The following CR1L variants were observed in gnomAD, a reference collection of about 807,000 sequenced individuals.
CR1L encodes the protein complement component receptor 1-like protein.
In CR1L, 59 loss-of-function variants were observed where a neutral mutation model predicts 62.3. That is an observed-to-expected ratio of 0.95 (90% CI 0.77 to 1.18). CR1L has a LOEUF of 1.18. CR1L is among the 50% of genes most tolerant of loss of function. The pLI is 0.00. For synonymous variants in CR1L, 279 were observed against 248.7 expected (o/e 1.12, Z -1.15); for missense variants, 700 against 702.8 (o/e 1.00, Z 0.04).
chr1:207,698,931 A>G (rs1664149681), intron 7 of CR1L, among the ~76,000 whole-genome samples: 1 of 152,208 alleles, frequency 6.6e-6, no homozygotes, highest in Non-Finnish European at 1.5e-5. Context: ...GTCCTGGGTC[A>G]AGGAGATGGT....
chr1:207,655,890 G>A (rs1379436455), intron 1 of CR1L, among the ~76,000 whole-genome samples: 23 of 152,306 alleles, frequency 1.5e-4, no homozygotes, highest in African/African-American at 5.1e-4. Context: ...CTTAAAGGAA[G>A]ACTTGGATTT....
chr1:207,689,052 T>C (rs1199319526), intron 4 of CR1L, among the ~76,000 whole-genome samples: 2 of 152,108 alleles, frequency 1.3e-5, no homozygotes, highest in African/African-American at 2.4e-5. Context: ...CAGTACAACA[T>C]TGAATAGAAG....
chr1:207,682,992 T>C (rs11578016), intron 3 of CR1L, among the ~76,000 whole-genome samples: 1,717 of 84,314 alleles, frequency 0.02, 19 homozygotes, highest in East Asian at 0.053. Context: ...TTCTTTCTTT[T>C]TTTCTTTCTT....
chr1:207,680,924 T>C (rs1663785174), intron 3 of CR1L, among the ~76,000 whole-genome samples: 2 of 152,228 alleles, frequency 1.3e-5, no homozygotes, highest in African/African-American at 2.4e-5. Context: ...TCTCTGCCTA[T>C]GTAAGTGATA....
intron 2 of CR1L, 22 bp from the exon 3 acceptor site, chr1:207,678,176 A>G: frequency 1.9e-6 from 3 of 1,611,440 alleles, no homozygotes; most frequent in Non-Finnish European, 1.7e-6. Context: ...CTTGGCTTCA[A>G]ATTTCTGTTT....
intron 4 of CR1L, among the ~76,000 whole-genome samples, chr1:207,686,644 T>C (rs1018477898): frequency 6.6e-6 from 1 of 152,246 alleles, no homozygotes; most frequent in African/African-American, 2.4e-5. Context: ...TTTATATGTT[T>C]CTATTAAAGT....
In CR1L at chr1:207,679,524, A is replaced by C. The variant is rs1370667627; in HGVS notation, c.377+1227A>C. The stretch of plus-strand genomic sequence containing the variant: ...CAAAATGGCACCATGACTTTGAAAG[A>C]CATTTTGGCAGTTTTGTATAAAAAT... On this transcript the variant is annotated intron_variant, in intron 3 of 11. Transcript: ENST00000508064. Among the ~76,000 whole-genome samples the C allele has an allele frequency of 4.6e-5, 7 of 152,316 alleles. No homozygotes were observed. The East Asian group carries it at 1.3e-3, about 29-fold the overall frequency.
intron 3 of CR1L, among the ~76,000 whole-genome samples, chr1:207,681,146 G>T (rs192652647): frequency 2.4e-4 from 36 of 152,258 alleles, no homozygotes; most frequent in African/African-American, 8.7e-4. Context: ...CTGGTTCAAG[G>T]CACATAGATT....
At chr1:207,709,844 A>AG (rs1453127790) in intron 10 of CR1L, among the ~76,000 whole-genome samples, 3 of 151,630 alleles carry the variant, frequency 2.0e-5, no homozygotes, top group Non-Finnish European at 1.5e-5. Context: ...AAAAAAAAAA[A>AG]AAAGGAAAAA....
Position 207,701,608 on chromosome 1 carries a change from T to G in CR1L, c.1318T>G (p.Cys440Gly). 4 of 1,613,760 alleles carry G rather than the reference T, an allele frequency of 2.5e-6. No individual in the cohort carries two copies. The South Asian group carries it at 4.4e-5, about 18-fold the overall frequency. ...TGTTGGATCCAGAATCAACTATTCT[T>G]GTACTACAGGGTGAGTTGGCAGCAA... is the stretch of plus-strand genomic sequence containing the variant. ...IHVGSRINYSCTTGHRLIGHS... is the reference protein window; with the variant it reads ...IHVGSRINYSGTTGHRLIGHS... Residue 440 changes from cysteine to glycine, a missense_variant, in exon 9 of 12, where the codon TGT becomes GGT. Physicochemically the swap from Cys to Gly is radical, Grantham distance 159. Coordinates refer to ENST00000508064, the MANE Select transcript of CR1L (RefSeq NM_175710.2).
rs1012410171 is a variant in CR1L at position 207,669,577 on chromosome 1, G to C, written c.98-7812G>C. ...GCCGGTGGCCTGGGGTGAAACGCTG[G>C]GGGGCGTGGGGAGGCGCCCGGGCTG... is the stretch of plus-strand genomic sequence containing the variant. On this transcript the variant is annotated intron_variant, in intron 1 of 11. Transcript: ENST00000508064. 6.0e-6 allele frequency: 9 copies of C among 1,489,418 alleles called. 2 individuals are homozygous for C. The African/African-American group carries it at 1.0e-4, about 17-fold the overall frequency. The allele number at this position is 1,489,418 out of a possible 1,614,324, so 92.3% of individuals were successfully genotyped here.
intron 9 of CR1L, among the ~76,000 whole-genome samples, chr1:207,704,404 C>T (rs749750470): frequency 6.6e-6 from 1 of 152,146 alleles, no homozygotes; most frequent in Non-Finnish European, 1.5e-5. Context: ...GTTAAAATGA[C>T]CACAAATTTA....
rs374982373 is a variant in CR1L at position 207,694,582 on chromosome 1, G to A, written c.693G>A (p.Thr231=). ...AGTGCATTATACCTAACAAATGCAC[G>A]CCTCCAAATGTGGAAAATGGAATAT... ...APQCIIPNKC[T]PPNVENGILV... is the part of the protein sequence containing the mutation. Residue 231 remains threonine (T), a synonymous_variant, in exon 5 of 12, where the codon ACG becomes ACA. Transcript: ENST00000508064. 4.0e-5 allele frequency: 65 copies of A among 1,611,952 alleles called. No homozygotes were observed. The highest frequency in any genetic ancestry group is 2.7e-4 in the South Asian group (25 of 91,004).
At chr1:207,692,490 T>C (rs1664012446) in intron 4 of CR1L, among the ~76,000 whole-genome samples, 1 of 152,200 alleles carries the variant, frequency 6.6e-6, no homozygotes, top group Admixed American at 6.5e-5. Flanking sequence ...ATGGGACAGC[T>C]AGATAAAACC....
At chr1:207,711,444 ACAG>A (rs1193188886) in intron 10 of CR1L, 1 of 154,124 alleles carries the variant, frequency 6.5e-6, no homozygotes, top group Non-Finnish European at 1.4e-5. Context: ...AAGTGAAAAA[ACAG>A]CAGCAACAGG....
At position 207,674,076 on chromosome 1, in the gene CR1L, A is replaced by G. The variant is rs533132782; in HGVS notation, c.98-3313A>G. Among the ~76,000 whole-genome samples, 238 of 152,336 alleles carry G rather than the reference A, an allele frequency of 1.6e-3. 1 individual carries two copies. The highest frequency in any genetic ancestry group is 5.3e-3 in the African/African-American group (220 of 41,576). On this transcript the variant is annotated intron_variant, in intron 1 of 11. Transcript: ENST00000508064. ...TAAAACATTTAAAACAATCGGAGTGATTTCCTTTATATGATAGGATATAAA... is the reference window on the plus strand; with the variant it reads ...TAAAACATTTAAAACAATCGGAGTGGTTTCCTTTATATGATAGGATATAAA...
At chr1:207,655,082 C>G (rs1284157101) in intron 1 of CR1L, 1 of 303,502 alleles carries the variant, frequency 3.3e-6, no homozygotes, top group African/African-American at 2.2e-5. Flanking sequence ...GAAACCACCC[C>G]CCTCAAATTA....
chr1:207,701,717 T>C (rs1238298633), intron 9 of CR1L, 99 bp downstream of exon 9: 4 of 1,480,740 alleles, frequency 2.7e-6, no homozygotes, highest in Middle Eastern at 3.5e-4. Flanking sequence ...TGCCACCTGC[T>C]CTTGAGAGGT....
At chr1:207,712,199 C>T (rs1664370484) in intron 10 of CR1L, among the ~76,000 whole-genome samples, 1 of 152,170 alleles carries the variant, frequency 6.6e-6, no homozygotes, top group African/African-American at 2.4e-5. Flanking sequence ...CATTGGTGTG[C>T]AATCAGAGAA....
Sources: allele counts gnomAD v4.1 joint callset (sites outside exome capture counted in the v4.1 genomes callset), GRCh38; gene constraint gnomAD v4.1.1; transcripts MANE v1.5; gene names NCBI Gene and HGNC (gene_info 2026-07-23, HGNC 2026-07-21).